Variants in SSTR3 observed in about 807,000 individuals in gnomAD.
The protein encoded by SSTR3 is somatostatin receptor type 3.
For synonymous variants in SSTR3, 281 were observed against 269.2 expected, an observed-to-expected ratio of 1.04 and a Z score of -0.43; for missense variants, 504 against 604.7, an observed-to-expected ratio of 0.83 and a Z score of 1.75.
chr22:37,209,636 TC>T (rs530809795), intron 1 of SSTR3, among the ~76,000 whole-genome samples: 103 of 152,304 alleles, frequency 6.8e-4, no homozygotes, highest in Non-Finnish European at 1.2e-3. Flanking sequence ...TCCTATGATG[TC>T]CTACGAGGGA....
In SSTR3 at chr22:37,212,217, GA is replaced by G; in HGVS notation, c.-430del. 1.1e-6 allele frequency: 1 copy of G among 896,820 alleles called. No homozygotes were observed. Among genetic ancestry groups the G allele is most frequent in the Non-Finnish European group, 1.3e-6 (1 of 749,476 alleles). The allele number at this position is 896,820 out of a possible 1,614,324, so 55.6% of individuals were successfully genotyped here. On this transcript the variant is annotated 5_prime_UTR_variant, in exon 1 of 2. It introduces an in-frame stop codon into an upstream open reading frame of the 5' UTR. Coordinates refer to ENST00000610913, the MANE Select transcript of SSTR3 (RefSeq NM_001051.5). ...TCGGGAGGAGGTGGAGAAAGAGAGAGAGAGAGAAAGAGGGAGGGGGAGAGAG... is the reference window on the plus strand; with the variant it reads ...TCGGGAGGAGGTGGAGAAAGAGAGAGGAGAGAAAGAGGGAGGGGGAGAGAG...
chr22:37,215,510 C>T (rs1019617175), upstream of SSTR3, among the ~76,000 whole-genome samples: 6 of 152,188 alleles, frequency 3.9e-5, no homozygotes, highest in African/African-American at 1.2e-4. Flanking sequence ...CTCAGCCTCC[C>T]GAGTAGCAGG....
In SSTR3 at chr22:37,207,483, G is replaced by A; in HGVS notation, c.321C>T (p.Ser107=). 3.1e-6 allele frequency: 5 copies of A among 1,613,676 alleles called. No homozygotes were observed. The highest frequency in any genetic ancestry group is 1.7e-5 in the Admixed American group (1 of 60,032). ...ACATGAGGGAGCCGAAGGGCCAGTA[G>A]GACAGGGCGTTCTGGGCGGCCAGGA... ...LPFLAAQNAL[S]YWPFGSLMCR... is the part of the protein sequence containing the mutation. Residue 107 remains serine, a synonymous_variant, in exon 2 of 2, where the codon TCC becomes TCT. Transcript: ENST00000610913.
Position 37,207,931 on chromosome 22 carries a change from C to T in SSTR3, c.-36-92G>A, listed in dbSNP as rs914474968. 1.2e-5 allele frequency: 16 copies of T among 1,354,038 alleles called. No individual in the cohort carries two copies. In the African/African-American group the frequency reaches 1.5e-4, roughly 13 times the overall value. The allele number at this position is 1,354,038 out of a possible 1,614,324, so 83.9% of individuals were successfully genotyped here. A position where few individuals can be genotyped will look rare whatever the true frequency, so the allele number is the denominator to read the frequency against. On this transcript the variant is annotated intron_variant, in intron 1 of 1. Transcript: ENST00000610913. ...ATGCCGAACCTGGGGACCTGCTGCA[C>T]GCCCATCCTCCCATCGTCTGAGAGA...
chr22:37,208,117 T>G (rs1489051178), intron 1 of SSTR3, among the ~76,000 whole-genome samples: 1 of 152,154 alleles, frequency 6.6e-6, no homozygotes, highest in African/African-American at 2.4e-5. Context: ...GTGTGTGGCA[T>G]GAAGTCATAC....
chr22:37,214,530 GC>G (rs770675836), upstream of SSTR3, among the ~76,000 whole-genome samples: 14 of 152,128 alleles, frequency 9.2e-5, no homozygotes, highest in Admixed American at 5.2e-4. Flanking sequence ...AGGCGGGGGG[GC>G]TCCCTTGTAC....
At position 37,206,448 on chromosome 22, in the gene SSTR3, A is replaced by T. The variant is rs1320169374; in HGVS notation, c.*99T>A. 2 of 1,492,500 alleles carry T rather than the reference A, an allele frequency of 1.3e-6. No homozygotes were observed. Among genetic ancestry groups the T allele is most frequent in the Non-Finnish European group, 1.8e-6 (2 of 1,127,226 alleles). 92.5% of individuals were successfully genotyped at this position (1,492,500 alleles called of 1,614,324 possible). ...AATAGCATCAAAGTCCAGGCCCCTC[A>T]ACATCCCATCATGGGCCTGTGGCAC... On this transcript the variant is annotated 3_prime_UTR_variant, in exon 2 of 2. Transcript: ENST00000610913.
chr22:37,214,967 C>G (rs1926376367), upstream of SSTR3, among the ~76,000 whole-genome samples: 1 of 152,208 alleles, frequency 6.6e-6, no homozygotes, highest in South Asian at 2.1e-4. Flanking sequence ...GGTTAGGCAT[C>G]CCCTGCTCTG....
intron 1 of SSTR3, among the ~76,000 whole-genome samples, chr22:37,211,367 C>T (rs1416059081): frequency 6.6e-6 from 1 of 152,254 alleles, no homozygotes; most frequent in Non-Finnish European, 1.5e-5. Flanking sequence ...CTCTGCTGCA[C>T]AGCGATGATG....
upstream of SSTR3, among the ~76,000 whole-genome samples, chr22:37,213,734 A>ACCAC (rs1926314268): frequency 1.3e-5 from 2 of 152,044 alleles, no homozygotes; most frequent in South Asian, 4.2e-4. Context: ...CATGGCACTG[A>ACCAC]CCACCCACCC....
chr22:37,206,949 C>G lies in SSTR3; in HGVS notation c.855G>C (p.Leu285=). Reference sequence around the variant, plus strand: ...GCCCAAAGAAGGCAGGCTCCTCGGGCAGTGGGCACACCACGTTGACGATGT... The same window carrying G: ...GCCCAAAGAAGGCAGGCTCCTCGGGGAGTGGGCACACCACGTTGACGATGT... The part of the protein sequence containing the change: ...VLNIVNVVCP[L]PEEPAFFGLY... Residue 285 remains leucine, a synonymous_variant, in exon 2 of 2, where the codon CTG becomes CTC. Coordinates refer to ENST00000610913, the MANE Select transcript of SSTR3 (RefSeq NM_001051.5). 1.9e-6 allele frequency: 3 copies of G among 1,612,564 alleles called. No individual in the cohort carries two copies. Among genetic ancestry groups the G allele is most frequent in the South Asian group, 2.2e-5 (2 of 91,060 alleles).
In SSTR3 at chr22:37,207,352, G is replaced by A. The variant is rs201144344; in HGVS notation, c.452C>T (p.Ser151Leu). Residue 151 changes from serine (S) to leucine (L), a missense_variant, in exon 2 of 2, where the codon TCG (serine) becomes TTG (leucine). Transcript: ENST00000610913. Reference protein sequence around the residue: ...RYLAVVHPTRSARWRTAPVAR... With the variant: ...RYLAVVHPTRLARWRTAPVAR... ...CACCGGAGCTGTGCGCCAGCGGGCCGAGCGGGTGGGATGTACCACGGCCAG... is the reference window on the plus strand; with the variant it reads ...CACCGGAGCTGTGCGCCAGCGGGCCAAGCGGGTGGGATGTACCACGGCCAG... 1.5e-5 allele frequency: 24 copies of A among 1,607,574 alleles called. No individual in the cohort carries two copies. The African/African-American group carries it at 1.6e-4, about 11-fold the overall frequency.
At chr22:37,212,765 G>A (rs115787568), upstream of SSTR3, among the ~76,000 whole-genome samples, 1,127 of 152,264 alleles carry the variant, frequency 7.4e-3, 16 homozygotes, top group African/African-American at 0.025. Flanking sequence ...GGCTGGGTGT[G>A]GGGCTGGCCA....
upstream of SSTR3, among the ~76,000 whole-genome samples, chr22:37,216,630 G>A (rs756317914): frequency 6.6e-6 from 1 of 152,184 alleles, no homozygotes; most frequent in Non-Finnish European, 1.5e-5. Flanking sequence ...TCTTATCTGG[G>A]CCAGCTGCCC....
At position 37,205,189 on chromosome 22, in the gene SSTR3, C is replaced by T. The variant is rs911002255; in HGVS notation, c.*1358G>A. 1 of 152,558 alleles carries T rather than the reference C, an allele frequency of 6.6e-6. No individual in the cohort carries two copies. Among genetic ancestry groups the T allele is most frequent in the East Asian group, 1.9e-4 (1 of 5,176 alleles). The allele number at this position is 152,558 out of a possible 1,614,324, so 9.5% of individuals were successfully genotyped here. On this transcript the variant is annotated 3_prime_UTR_variant, in exon 2 of 2. Transcript: ENST00000610913. ...GCTCCACCCTAGGGCTTTATTAAGG[C>T]CTGAGCCCTCTTGGCAGCACTCTGA...
At chr22:37,216,790 G>GT (rs372457465), upstream of SSTR3, among the ~76,000 whole-genome samples, 16 of 147,396 alleles carry the variant, frequency 1.1e-4, no homozygotes, top group Admixed American at 7.3e-4. Flanking sequence ...GGGCCTTGGG[G>GT]TTTTTTTGTT....
Position 37,207,684 on chromosome 22 carries a change from C to A in SSTR3, c.120G>T (p.Leu40=). 1 of 1,568,020 alleles carries A rather than the reference C, an allele frequency of 6.4e-7. No individual in the cohort carries two copies. Among genetic ancestry groups the A allele is most frequent in the South Asian group, 1.2e-5 (1 of 84,998 alleles). ...NVSAGPSPAG[L]AVSGVLIPLV... is the part of the protein sequence containing the mutation. Reference sequence around the variant, plus strand: ...GGGGGATCAGAACGCCACTGACGGCCAGCCCTGCCGGGCTTGGGCCCGCCG... The same window carrying A: ...GGGGGATCAGAACGCCACTGACGGCAAGCCCTGCCGGGCTTGGGCCCGCCG... Residue 40 remains leucine, a synonymous_variant, in exon 2 of 2, where the codon CTG becomes CTT. Transcript: ENST00000610913.
the SSTR3 span, among the ~76,000 whole-genome samples, chr22:37,219,796 T>C: frequency 7.9e-5 from 12 of 152,306 alleles, no homozygotes; most frequent in African/African-American, 2.6e-4. Flanking sequence ...TCTTTGATGG[T>C]GGCTGACTGC....
chr22:37,210,330 T>G (rs1483841263), intron 1 of SSTR3, among the ~76,000 whole-genome samples: 2 of 150,944 alleles, frequency 1.3e-5, no homozygotes, highest in Admixed American at 6.5e-5. Flanking sequence ...CACAAGCGCA[T>G]GCGCTGACAC....
Sources: gnomAD v4.1 joint callset for allele counts (sites outside exome capture counted in the v4.1 genomes callset) on GRCh38, gnomAD v4.1.1 for gene constraint, MANE v1.5 for transcripts, NCBI Gene and HGNC (gene_info 2026-07-23, HGNC 2026-07-21) for gene names.